MVB12B: variants seen among roughly 807,000 people sequenced by gnomAD.
MVB12B encodes the protein multivesicular body subunit 12B.
MVB12B carries 16 observed loss-of-function variants against 41.6 expected under a neutral mutation model. The ratio of observed to expected loss-of-function variants is 0.38; its 90% confidence interval spans 0.26 to 0.58. MVB12B has a LOEUF of 0.58. Ranked by LOEUF, MVB12B falls within the 20% of genes least tolerant of loss-of-function variation. The pLI is 0.62. For synonymous variants in MVB12B, 133 were observed against 139.7 expected (o/e 0.95, Z 0.34); for missense variants, 274 against 380.2 (o/e 0.72, Z 2.32).
At chr9:126,373,016 G>A (rs1361584433) in intron 2 of MVB12B, among the ~76,000 whole-genome samples, 1 of 152,200 alleles carries the variant, frequency 6.6e-6, no homozygotes, top group Non-Finnish European at 1.5e-5. Flanking sequence ...CCAGAGGGGT[G>A]CAAGGCCAAC....
chr9:126,464,713 T>C lies in MVB12B; in HGVS notation c.758-16656T>C, dbSNP rs566745396. 2.5e-4 allele frequency among the ~76,000 whole-genome samples: 38 copies of C among 152,336 alleles called. No individual in the cohort carries two copies. In the South Asian group the frequency reaches 6.2e-3, roughly 25 times the overall value. ...TTCTCCACTTCCATCTTCAGATGACTTCTTCAGGTCACATGGCAAGGTGTT... is the reference window on the plus strand; with the variant it reads ...TTCTCCACTTCCATCTTCAGATGACCTCTTCAGGTCACATGGCAAGGTGTT... On this transcript the variant is annotated intron_variant, in intron 7 of 9. Transcript: ENST00000361171.
At chr9:126,491,878 C>T (rs1163794739) in intron 9 of MVB12B, among the ~76,000 whole-genome samples, 1 of 152,092 alleles carries the variant, frequency 6.6e-6, no homozygotes, top group East Asian at 1.9e-4. Flanking sequence ...ACTCTACAAG[C>T]GTCTGACCAC....
At chr9:126,346,603 C>T (rs2118844187) in intron 2 of MVB12B, among the ~76,000 whole-genome samples, 1 of 152,144 alleles carries the variant, frequency 6.6e-6, no homozygotes, top group Non-Finnish European at 1.5e-5. Flanking sequence ...GCACCATCCT[C>T]ATATAGCAAG....
chr9:126,491,854 C>T (rs983462733), intron 9 of MVB12B, among the ~76,000 whole-genome samples: 7 of 152,122 alleles, frequency 4.6e-5, no homozygotes, highest in African/African-American at 1.4e-4. Context: ...TAGCTTGGGA[C>T]CACCGCTTCA....
chr9:126,471,816 A>G (rs1034029680), intron 7 of MVB12B, among the ~76,000 whole-genome samples: 4 of 152,120 alleles, frequency 2.6e-5, no homozygotes, highest in Admixed American at 6.5e-5. Context: ...CACCACTCCA[A>G]TTGCATTTAA....
At position 126,503,345 on chromosome 9, in the gene MVB12B, G is replaced by A. The variant is rs999869691; in HGVS notation, c.*82G>A. On this transcript the variant is annotated 3_prime_UTR_variant, in exon 10 of 10. Transcript: ENST00000361171. ...GCTGCTGCCCCCGCCTCCTCCTGCCGCCTCCGCCAGCCCTCCCTCCCACAC... is the reference window on the plus strand; with the variant it reads ...GCTGCTGCCCCCGCCTCCTCCTGCCACCTCCGCCAGCCCTCCCTCCCACAC... The A allele has an allele frequency of 1.9e-5, 22 of 1,131,324 alleles. No individual in the cohort carries two copies. The highest frequency in any genetic ancestry group is 2.7e-5 in the Non-Finnish European group (21 of 788,554). The allele number at this position is 1,131,324 out of a possible 1,614,324, so 70.1% of individuals were successfully genotyped here. A position where few individuals can be genotyped will look rare whatever the true frequency, so the allele number is the denominator to read the frequency against.
In MVB12B at chr9:126,395,758, T is replaced by A. The variant is rs1831095099; in HGVS notation, c.662+61T>A. ...GGTCTTAGGTCCCTGCACAACATTT[T>A]AGAACACCACCACTTAGTGTCTGCT... On this transcript the variant is annotated intron_variant, in intron 6 of 9. Coordinates refer to ENST00000361171, the MANE Select transcript of MVB12B (RefSeq NM_033446.3). This position sits in a 1 kb window ranked among gnomAD's most constrained non-coding sequence, Gnocchi z 4.9. The A allele has an allele frequency of 1.3e-6, 2 of 1,597,894 alleles. No homozygotes were observed. Among genetic ancestry groups the A allele is most frequent in the East Asian group, 4.5e-5 (2 of 44,722 alleles).
At position 126,333,005 on chromosome 9, in the gene MVB12B, T is replaced by C. The variant is rs760737913; in HGVS notation, c.81+5995T>C. On this transcript the variant is annotated intron_variant, in intron 1 of 9. Transcript: ENST00000361171. This position sits in a 1 kb window ranked among gnomAD's most constrained non-coding sequence, Gnocchi z 4.7. ...GTGCTAAGACTACGTGCTTGCATGA[T>C]GTCAGGATTCTGAGTGGTGGCACCT... Among the ~76,000 whole-genome samples the C allele has an allele frequency of 8.9e-4, 135 of 152,258 alleles. No individual in the cohort carries two copies. The highest frequency in any genetic ancestry group is 1.5e-3 in the Non-Finnish European group (105 of 68,040).
Position 126,503,488 on chromosome 9 carries a change from T to C in MVB12B, c.*225T>C. The stretch of plus-strand genomic sequence containing the variant: ...ATTGTTCATAACCATGACTAATCTG[T>C]GTGTGCTGTAGTGACCAGCGGCTCC... On this transcript the variant is annotated 3_prime_UTR_variant, in exon 10 of 10. Coordinates refer to ENST00000361171, the MANE Select transcript of MVB12B (RefSeq NM_033446.3). 1.7e-6 allele frequency: 1 copy of C among 588,814 alleles called. No homozygotes were observed. Among genetic ancestry groups the C allele is most frequent in the African/African-American group, 1.9e-5 (1 of 53,736 alleles). The allele number at this position is 588,814 out of a possible 1,614,324, so 36.5% of individuals were successfully genotyped here.
intron 2 of MVB12B, among the ~76,000 whole-genome samples, chr9:126,372,849 TAA>T (rs1419769391): frequency 6.6e-6 from 1 of 152,146 alleles, no homozygotes; most frequent in Non-Finnish European, 1.5e-5. Flanking sequence ...AGCCAGGCCC[TAA>T]ATAATGAGAT....
In MVB12B at chr9:126,340,325, CAG is replaced by C. The variant is rs1296506919; in HGVS notation, c.82-180_82-179del. Among the ~76,000 whole-genome samples, 10 of 152,234 alleles carry C rather than the reference CAG, an allele frequency of 6.6e-5. No individual in the cohort carries two copies. The highest frequency in any genetic ancestry group is 9.6e-5 in the African/African-American group (4 of 41,550). On this transcript the variant is annotated intron_variant, in intron 1 of 9. Transcript: ENST00000361171. This position sits in a 1 kb window ranked among gnomAD's most constrained non-coding sequence, Gnocchi z 4.0. ...AAGCTAACCTGAGAAGAGTGGGAAA[CAG>C]AGGTGATTTGAATTCTTGACCTGGG...
intron 2 of MVB12B, among the ~76,000 whole-genome samples, chr9:126,373,229 T>G (rs1830390012): frequency 6.6e-6 from 1 of 152,274 alleles, no homozygotes; most frequent in South Asian, 2.1e-4. Flanking sequence ...ACCTCTTCAC[T>G]GGATTAGTCA....
rs1262576541 is a variant in MVB12B, at chr9:126,381,125, A to G, written c.266A>G (p.Lys89Arg). The change falls in exon 3 of 10, where the codon AAG becomes AGG. Residue 89 changes from lysine (K) to arginine (R), a missense_variant. Physicochemically the swap from Lys to Arg is conservative, Grantham distance 26. Coordinates refer to ENST00000361171, the MANE Select transcript of MVB12B (RefSeq NM_033446.3). The part of the protein sequence containing the change: ...DLWKDGLFKS[K>R]VTRYLCFTRS... ...TGGAAAGACGGCTTATTTAAATCCA[A>G]GGTTACCAGATACCTGTGTTTCACA... 1.2e-6 allele frequency: 2 copies of G among 1,614,176 alleles called. No individual in the cohort carries two copies. Among genetic ancestry groups the G allele is most frequent in the South Asian group, 2.2e-5 (2 of 91,086 alleles).
At chr9:126,463,615 A>G (rs920208764) in intron 7 of MVB12B, among the ~76,000 whole-genome samples, 8 of 152,018 alleles carry the variant, frequency 5.3e-5, no homozygotes, top group Admixed American at 5.2e-4. Flanking sequence ...TGGTGGCTCT[A>G]AGGAGGAAGA....
intron 1 of MVB12B, chr9:126,335,108 G>T (rs550776804): frequency 2.5e-5 from 12 of 471,918 alleles, no homozygotes; most frequent in Admixed American, 4.2e-5. Flanking sequence ...AATTCTTTGC[G>T]ATCTAGGAGA....
At chr9:126,460,840 C>A (rs570679230) in intron 7 of MVB12B, among the ~76,000 whole-genome samples, 7 of 152,254 alleles carry the variant, frequency 4.6e-5, no homozygotes, top group African/African-American at 1.7e-4. Flanking sequence ...TGAGTGGCCT[C>A]TGTAAAATAG....
chr9:126,387,101 A>G (rs1472021296), intron 4 of MVB12B, among the ~76,000 whole-genome samples: 2 of 152,160 alleles, frequency 1.3e-5, no homozygotes, highest in Non-Finnish European at 2.9e-5. Flanking sequence ...GTGAGAATCA[A>G]AAAGACTGCA....
At chr9:126,364,497 A>G (rs567342389) in intron 2 of MVB12B, among the ~76,000 whole-genome samples, 3 of 152,196 alleles carry the variant, frequency 2.0e-5, no homozygotes, top group African/African-American at 2.4e-5. Flanking sequence ...GGCCAGCACC[A>G]TGGGTAGGAG....
chr9:126,404,347 C>G (rs1323415079), intron 6 of MVB12B, among the ~76,000 whole-genome samples: 1 of 152,144 alleles, frequency 6.6e-6, no homozygotes, highest in African/African-American at 2.4e-5. Flanking sequence ...AGGTTAAATC[C>G]CTTGCCCAAG....
Sources: gnomAD v4.1 joint callset for allele counts (sites outside exome capture counted in the v4.1 genomes callset) on GRCh38, gnomAD v4.1.1 for gene constraint, Gnocchi (gnomAD v3.1) non-coding constraint, MANE v1.5 for transcripts, NCBI Gene and HGNC (gene_info 2026-07-23, HGNC 2026-07-21) for gene names.